Variants in PSPC1 observed in about 807,000 individuals in gnomAD.
PSPC1 encodes paraspeckle protein 1.
Under a neutral mutation model 51.6 loss-of-function variants are expected in PSPC1, and 14 were observed. That is an observed-to-expected ratio of 0.27 (90% CI 0.18 to 0.42). The LOEUF (loss-of-function observed/expected upper bound fraction) is 0.42, where lower values mean the gene tolerates loss of function less well. PSPC1 is among the 10% of genes least tolerant of loss of function. PSPC1 has a pLI of 1.00. For missense variants in PSPC1, 406 were observed against 701.1 expected (o/e 0.58, Z 4.75); for synonymous variants, 193 against 231.9 (o/e 0.83, Z 1.53).
chr13:19,757,062 G>A (rs994724798), intron 3 of PSPC1, among the ~76,000 whole-genome samples: 7 of 151,736 alleles, frequency 4.6e-5, no homozygotes, highest in East Asian at 3.9e-4. Context: ...CCTGGGAGGC[G>A]GGGGTTGCAG....
chr13:19,697,534 A>G (rs1464378412), downstream of PSPC1, among the ~76,000 whole-genome samples: 1 of 152,172 alleles, frequency 6.6e-6, no homozygotes, highest in Non-Finnish European at 1.5e-5. Flanking sequence ...GTTTTTGTAG[A>G]CAATTACTCC....
chr13:19,782,639 G>C lies in PSPC1; in HGVS notation c.119C>G (p.Ala40Gly), dbSNP rs770325955. Residue 40 changes from alanine to glycine, a missense_variant, in exon 1 of 9, where the codon GCT becomes GGT. Ala to Gly is a moderately conservative substitution (Grantham distance 60). Coordinates refer to ENST00000338910, the MANE Select transcript of PSPC1 (RefSeq NM_001354909.2). This position sits in a 1 kb window ranked among gnomAD's most constrained non-coding sequence, Gnocchi z 4.5. ...GGGCGGTGCCGGCTCCCCGGCAAGAGCGAGCGCCATGGCTGCCGCGGCCGC... is the reference window on the plus strand; with the variant it reads ...GGGCGGTGCCGGCTCCCCGGCAAGACCGAGCGCCATGGCTGCCGCGGCCGC... ...EPAAAAAMAL[A>G]LAGEPAPPAP... The C allele has an allele frequency of 2.6e-6, 4 of 1,567,106 alleles. No individual in the cohort carries two copies. The Admixed American group carries it at 5.8e-5, about 23-fold the overall frequency.
intron 4 of PSPC1, among the ~76,000 whole-genome samples, chr13:19,744,815 G>C (rs1463392237): frequency 1.3e-5 from 2 of 152,070 alleles, no homozygotes; most frequent in African/African-American, 4.8e-5. Flanking sequence ...CACCCGCCTT[G>C]GCCTTCCAAA....
At chr13:19,772,713 A>G (rs1314296698) in intron 1 of PSPC1, among the ~76,000 whole-genome samples, 170 bp from the exon 2 acceptor site, 1 of 152,208 alleles carries the variant, frequency 6.6e-6, no homozygotes, top group African/African-American at 2.4e-5. Context: ...TTCAATGATC[A>G]TTTTAAACAT....
intron 6 of PSPC1, among the ~76,000 whole-genome samples, chr13:19,711,587 G>A (rs770622827): frequency 1.1e-4 from 16 of 145,022 alleles, no homozygotes; most frequent in Non-Finnish European, 2.1e-4. Flanking sequence ...GCAGTGAGCC[G>A]AGATCGCACC....
intron 1 of PSPC1, among the ~76,000 whole-genome samples, chr13:19,778,234 C>A (rs1205912515): frequency 6.6e-6 from 1 of 150,742 alleles, no homozygotes; most frequent in Non-Finnish European, 1.5e-5. Context: ...GAGCAAGATT[C>A]CGTCTCAAAA....
At chr13:19,685,580 CAGAA>C (rs1180627552) in intron 6 of PSPC1, among the ~76,000 whole-genome samples, 1 of 152,158 alleles carries the variant, frequency 6.6e-6, no homozygotes, top group Admixed American at 6.5e-5. Flanking sequence ...TTCAGTCTGA[CAGAA>C]AGAGCACTGA....
intron 6 of PSPC1, among the ~76,000 whole-genome samples, chr13:19,683,559 C>T (rs939534047): frequency 6.6e-6 from 1 of 152,064 alleles, no homozygotes; most frequent in African/African-American, 2.4e-5. Context: ...TGAAAACAGT[C>T]AAACTGAACA....
At chr13:19,781,944 C>G (rs765192561) in intron 1 of PSPC1, among the ~76,000 whole-genome samples, 30 of 152,298 alleles carry the variant, frequency 2.0e-4, no homozygotes, top group Middle Eastern at 3.4e-3. Context: ...GCTTCCTTTC[C>G]AAATGTACAT....
chr13:19,773,019 G>A (rs899537846), intron 1 of PSPC1, among the ~76,000 whole-genome samples: 5 of 151,818 alleles, frequency 3.3e-5, no homozygotes, highest in African/African-American at 1.2e-4. Context: ...AAAATTAGCT[G>A]GGCGTGGTGG....
intron 6 of PSPC1, among the ~76,000 whole-genome samples, chr13:19,690,687 C>G: frequency 6.6e-6 from 1 of 152,240 alleles, no homozygotes; most frequent in Middle Eastern, 3.4e-3. Context: ...GATTTTAGTT[C>G]TAAATTTTAT....
chr13:19,760,560 C>T (rs1024254052), intron 2 of PSPC1, among the ~76,000 whole-genome samples: 2 of 151,448 alleles, frequency 1.3e-5, no homozygotes, highest in African/African-American at 4.9e-5. Context: ...GCTGAAAATC[C>T]GACCTAAAAC....
At chr13:19,687,509 T>A (rs1878048139) in intron 6 of PSPC1, among the ~76,000 whole-genome samples, 1 of 152,080 alleles carries the variant, frequency 6.6e-6, no homozygotes, top group South Asian at 2.1e-4. Context: ...CCAAGATCTT[T>A]TCCCCGAGCA....
chr13:19,748,385 T>G (rs1326485556), intron 4 of PSPC1, among the ~76,000 whole-genome samples: 6 of 152,188 alleles, frequency 3.9e-5, no homozygotes. Flanking sequence ...GGAGTAGGAT[T>G]CAACAAGCAA....
chr13:19,759,483 G>T (rs1016398444), intron 2 of PSPC1, 65 bp from the exon 3 acceptor site: 13 of 1,101,742 alleles, frequency 1.2e-5, no homozygotes, highest in Non-Finnish European at 1.8e-5. Flanking sequence ...CGTCTTAAAA[G>T]AAATGTTTTA....
At chr13:19,693,023 A>C (rs975131303) in intron 6 of PSPC1, among the ~76,000 whole-genome samples, 1 of 152,196 alleles carries the variant, frequency 6.6e-6, no homozygotes, top group African/African-American at 2.4e-5. Flanking sequence ...CTAAAAGGTA[A>C]ATAAAGGTCT....
chr13:19,723,641 C>A (rs1883038125), intron 6 of PSPC1, among the ~76,000 whole-genome samples: 1 of 152,200 alleles, frequency 6.6e-6, no homozygotes, highest in Non-Finnish European at 1.5e-5. Context: ...AAAACTGACA[C>A]ATACCTTCAA....
At chr13:19,721,870 C>A (rs1017917012) in intron 6 of PSPC1, among the ~76,000 whole-genome samples, 32 of 152,176 alleles carry the variant, frequency 2.1e-4, no homozygotes, top group Non-Finnish European at 2.2e-4. Flanking sequence ...TACTTAATCA[C>A]GTATGAAGTC....
At chr13:19,775,367 C>CA (rs35702131) in intron 1 of PSPC1, among the ~76,000 whole-genome samples, 21,900 of 138,140 alleles carry the variant, frequency 0.16, 1,786 homozygotes, top group African/African-American at 0.23. Flanking sequence ...AATAAATAGA[C>CA]AAAAAAAAAA....
Sources: gnomAD v4.1 joint callset for allele counts (sites outside exome capture counted in the v4.1 genomes callset) on GRCh38, gnomAD v4.1.1 for gene constraint, Gnocchi (gnomAD v3.1) non-coding constraint, MANE v1.5 for transcripts, NCBI Gene and HGNC (gene_info 2026-07-23, HGNC 2026-07-21) for gene names.